The following MAPK10 variants were observed in gnomAD, a reference collection of about 807,000 sequenced individuals.
MAPK10 encodes the protein mitogen-activated protein kinase 10, also known as JNK3 alpha protein kinase.
A neutral mutation model predicts 59.3 loss-of-function variants in MAPK10; 25 were observed. That is an observed-to-expected ratio of 0.42 (90% CI 0.31 to 0.59). The LOEUF is 0.59. MAPK10 is among the 20% of genes least tolerant of loss of function. MAPK10 has a pLI of 0.15. For synonymous variants in MAPK10, 190 were observed against 200.5 expected, an observed-to-expected ratio of 0.95 and a Z score of 0.44; for missense variants, 351 against 568.9, an observed-to-expected ratio of 0.62 and a Z score of 3.90.
chr4:86,165,543 ATTTTTTTTTTTTTTTTT>A (rs10525325), intron 3 of MAPK10, among the ~76,000 whole-genome samples: 1,386 of 57,276 alleles, frequency 0.024, 57 homozygotes, highest in African/African-American at 0.07. Flanking sequence ...CTCCCAGATA[ATTTTTTTTTTTTTTTTT>A]TTTTTTTTTT....
At chr4:86,336,193 G>T (rs1407918599) in intron 2 of MAPK10, 6 of 152,176 alleles carry the variant, frequency 3.9e-5, no homozygotes, top group Non-Finnish European at 7.3e-5. Context: ...TCAGATAATT[G>T]CTAAGGGCAG....
intron 11 of MAPK10, among the ~76,000 whole-genome samples, chr4:86,038,569 A>G (rs1359738224): frequency 6.6e-6 from 1 of 151,620 alleles, no homozygotes; most frequent in Non-Finnish European, 1.5e-5. Flanking sequence ...TTTTTTCTTA[A>G]TTTGATGACT....
At chr4:86,202,436 ACC>A (rs1563048540) in intron 2 of MAPK10, among the ~76,000 whole-genome samples, 1 of 151,868 alleles carries the variant, frequency 6.6e-6, no homozygotes, top group Non-Finnish European at 1.5e-5. Flanking sequence ...AATCTTCACA[ACC>A]CCAGGGCCTA....
intron 2 of MAPK10, chr4:86,335,103 G>A (rs17409925): frequency 0.27 from 41,061 of 152,060 alleles, 5,649 homozygotes; most frequent in South Asian, 0.43. Flanking sequence ...AGAATTGACT[G>A]TCAATACCCA....
chr4:86,064,515 C>G (rs1171672787), intron 10 of MAPK10, 125 bp from the exon 11 acceptor site: 4 of 874,360 alleles, frequency 4.6e-6, no homozygotes, highest in Non-Finnish European at 7.1e-6. Context: ...AGGTAAATCC[C>G]TTGATGTGAT....
At chr4:86,551,632 G>C (rs1759797054) in intron 1 of MAPK10, among the ~76,000 whole-genome samples, 1 of 149,262 alleles carries the variant, frequency 6.7e-6, no homozygotes, top group East Asian at 2.0e-4. Context: ...TTGAGATGGA[G>C]TCTCACTCTA....
chr4:86,579,645 C>A (rs1411523556), intron 1 of MAPK10, among the ~76,000 whole-genome samples: 1 of 152,080 alleles, frequency 6.6e-6, no homozygotes, highest in South Asian at 2.1e-4. Context: ...AGTCTGGCCA[C>A]CTTGAAGATA....
intron 1 of MAPK10, chr4:86,358,234 C>T (rs1735509201): frequency 1.0e-6 from 1 of 985,214 alleles, no homozygotes; most frequent in Non-Finnish European, 1.2e-6. Flanking sequence ...ACAGAAGCTT[C>T]TCTGAGAGAA....
chr4:86,562,456 A>G (rs1451768858), intron 1 of MAPK10, among the ~76,000 whole-genome samples: 2 of 152,174 alleles, frequency 1.3e-5, no homozygotes, highest in Non-Finnish European at 2.9e-5. Flanking sequence ...TGGGAGGCCA[A>G]GGCAGAAAGA....
rs1370994861 is a variant in MAPK10, at chr4:86,354,408, T to C, written c.-7+122A>G. The C allele has an allele frequency of 2.2e-5, 9 of 416,254 alleles. No homozygotes were observed. The South Asian group carries it at 6.6e-4, about 30-fold the overall frequency. 25.8% of individuals were successfully genotyped at this position (416,254 alleles called of 1,614,324 possible). On this transcript the variant is annotated intron_variant, in intron 2 of 13. Transcript: ENST00000641462. The stretch of plus-strand genomic sequence containing the variant: ...TCTGTTCTATTGATTTTCACTTCTG[T>C]AGTCGAAATTATTTGGAGCAGTATT...
intron 1 of MAPK10, among the ~76,000 whole-genome samples, chr4:86,414,957 G>C (rs1236889803): frequency 1.3e-5 from 2 of 151,836 alleles, no homozygotes; most frequent in Non-Finnish European, 2.9e-5. Flanking sequence ...TAACAACATA[G>C]GGATACACTG....
intron 2 of MAPK10, among the ~76,000 whole-genome samples, chr4:86,207,665 C>T (rs2084486872): frequency 6.6e-6 from 1 of 152,106 alleles, no homozygotes; most frequent in African/African-American, 2.4e-5. Context: ...GATATTGATT[C>T]TTCCTACCCA....
intron 1 of MAPK10, among the ~76,000 whole-genome samples, chr4:86,365,829 G>A (rs2148988983): frequency 6.6e-6 from 1 of 152,082 alleles, no homozygotes; most frequent in East Asian, 1.9e-4. Context: ...CTTGAATTTT[G>A]AATCTTATCA....
chr4:86,097,400 T>C (rs2054448236), intron 9 of MAPK10, among the ~76,000 whole-genome samples: 1 of 152,020 alleles, frequency 6.6e-6, no homozygotes, highest in Non-Finnish European at 1.5e-5. Flanking sequence ...TTTTTGTTTT[T>C]GTTTTTTACT....
At chr4:86,499,571 T>C (rs962280597) in intron 1 of MAPK10, among the ~76,000 whole-genome samples, 1 of 152,224 alleles carries the variant, frequency 6.6e-6, no homozygotes, top group Non-Finnish European at 1.5e-5. Context: ...ACAAACCATA[T>C]AATGCACTAT....
At chr4:86,400,876 T>G (rs1295798160) in intron 1 of MAPK10, among the ~76,000 whole-genome samples, 1 of 152,162 alleles carries the variant, frequency 6.6e-6, no homozygotes, top group African/African-American at 2.4e-5. Context: ...ATTATTCTTT[T>G]ATTTTTAAAA....
rs546328361 is a variant in MAPK10, at chr4:86,242,747, T to C, written c.-6-48340A>G. Among the ~76,000 whole-genome samples the C allele has an allele frequency of 1.8e-3, 279 of 152,274 alleles. 1 individual carries two copies. The highest frequency in any genetic ancestry group is 6.8e-3 in the Middle Eastern group (2 of 294). ...GAGCTACAGAAGTAGGTGCTGCTCT[T>C]CCCCTGCCCAGAGAGCTTAGCATGT... On this transcript the variant is annotated intron_variant, in intron 2 of 13. Transcript: ENST00000641462.
At chr4:86,167,011 T>A (rs1285402000) in intron 3 of MAPK10, among the ~76,000 whole-genome samples, 2 of 151,900 alleles carry the variant, frequency 1.3e-5, no homozygotes, top group African/African-American at 4.8e-5. Flanking sequence ...AAGAATCAAA[T>A]AGACACAATA....
intron 1 of MAPK10, among the ~76,000 whole-genome samples, chr4:86,451,474 A>G (rs1051093801): frequency 7.9e-5 from 12 of 152,234 alleles, no homozygotes; most frequent in African/African-American, 2.9e-4. Context: ...AGCATTTTAT[A>G]TGGATACTAA....
Sources: allele counts gnomAD v4.1 joint callset (sites outside exome capture counted in the v4.1 genomes callset), GRCh38; gene constraint gnomAD v4.1.1; transcripts MANE v1.5; gene names NCBI Gene and HGNC (gene_info 2026-07-23, HGNC 2026-07-21).